ZFAND5: variants seen among roughly 807,000 people sequenced by gnomAD.
The protein encoded by ZFAND5 is zinc finger AN1-type containing 5.
Under a neutral mutation model 23.6 loss-of-function variants are expected in ZFAND5, and 4 were observed. That is an observed-to-expected ratio of 0.17 (90% CI 0.08 to 0.39). ZFAND5 has a LOEUF of 0.39. Ranked by LOEUF, ZFAND5 falls within the 10% of genes least tolerant of loss-of-function variation. The pLI is 1.00. For synonymous variants in ZFAND5, 68 were observed against 80.6 expected, an observed-to-expected ratio of 0.84 and a Z score of 0.84; for missense variants, 161 against 253.7, an observed-to-expected ratio of 0.63 and a Z score of 2.48.
chr9:72,355,729 C>A lies in ZFAND5; in HGVS notation c.*224G>T, dbSNP rs958834101. ...TTCACTTTGCTGTGCAGATTTTCAT[C>A]CAATTTTTTTCAGGGGAGGGCATAT... On this transcript the variant is annotated 3_prime_UTR_variant, in exon 7 of 7. Coordinates refer to ENST00000376962, the MANE Select transcript of ZFAND5 (RefSeq NM_001102420.3). 5.6e-6 allele frequency: 2 copies of A among 360,334 alleles called. No individual in the cohort carries two copies. Among genetic ancestry groups the A allele is most frequent in the Non-Finnish European group, 9.9e-6 (2 of 201,814 alleles). The allele number at this position is 360,334 out of a possible 1,614,324, so 22.3% of individuals were successfully genotyped here.
rs1214070257 is a variant in ZFAND5, at chr9:72,352,954, A to C, written c.*2999T>G. 1 of 152,258 alleles carries C rather than the reference A, an allele frequency of 6.6e-6. No homozygotes were observed. Among genetic ancestry groups the C allele is most frequent in the African/African-American group, 2.4e-5 (1 of 41,468 alleles). The allele number at this position is 152,258 out of a possible 1,614,324, so 9.4% of individuals were successfully genotyped here. A position where few individuals can be genotyped will look rare whatever the true frequency, so the allele number is the denominator to read the frequency against. On this transcript the variant is annotated 3_prime_UTR_variant, in exon 7 of 7. Coordinates refer to ENST00000376962, the MANE Select transcript of ZFAND5 (RefSeq NM_001102420.3). ...TCTTAATCACTATGCCATAATGCTC[A>C]GAAACAGCTTTCCCTCACAAACTAA...
chr9:72,354,104 A>T lies in ZFAND5; in HGVS notation c.*1849T>A, dbSNP rs1841864123. The stretch of plus-strand genomic sequence containing the variant: ...GTATTAGAGCCAAACCCAAAACAGA[A>T]ATAAAACAGAACTCTTTTTGTAAAC... On this transcript the variant is annotated 3_prime_UTR_variant, in exon 7 of 7. Coordinates refer to ENST00000376962, the MANE Select transcript of ZFAND5 (RefSeq NM_001102420.3). The T allele has an allele frequency of 6.6e-6, 1 of 152,178 alleles. No individual in the cohort carries two copies. The highest frequency in any genetic ancestry group is 2.4e-5 in the African/African-American group (1 of 41,442). The allele number at this position is 152,178 out of a possible 1,614,324, so 9.4% of individuals were successfully genotyped here.
chr9:72,360,977 C>CA (rs71357559), intron 2 of ZFAND5, among the ~76,000 whole-genome samples, 190 bp from the exon 3 acceptor site: 2,291 of 149,702 alleles, frequency 0.015, 53 homozygotes, highest in African/African-American at 0.052. Context: ...GTTTTAGGAC[C>CA]AAAAAAAAAC....
In ZFAND5 at chr9:72,363,612, A is replaced by G; in HGVS notation, c.-146-6T>C. On this transcript the variant is annotated splice_polypyrimidine_tract_variant and splice_region_variant and intron_variant, in intron 1 of 6. Transcript: ENST00000376962. ...TAAAGGCTCCTTTTCAGGGCCTGGG[A>G]GATAGAAAACAGGAGACAACTACAA... 2 of 982,684 alleles carry G rather than the reference A, an allele frequency of 2.0e-6. No homozygotes were observed. Among genetic ancestry groups the G allele is most frequent in the Non-Finnish European group, 2.4e-6 (2 of 827,388 alleles). 60.9% of individuals were successfully genotyped at this position (982,684 alleles called of 1,614,324 possible).
At position 72,353,501 on chromosome 9, in the gene ZFAND5, CTG is replaced by C. The variant is rs1564293733; in HGVS notation, c.*2450_*2451del. 2.0e-5 allele frequency: 3 copies of C among 152,218 alleles called. No individual in the cohort carries two copies. The highest frequency in any genetic ancestry group is 6.5e-5 in the Admixed American group (1 of 15,276). 9.4% of individuals were successfully genotyped at this position (152,218 alleles called of 1,614,324 possible). A position where few individuals can be genotyped will look rare whatever the true frequency, so the allele number is the denominator to read the frequency against. Reference sequence around the variant, plus strand: ...GACCAGCCTGACCAACATGGAGAAACTGTCTCTATTAAAAATACAAAAATTAG... The same window carrying C: ...GACCAGCCTGACCAACATGGAGAAACTCTCTATTAAAAATACAAAAATTAG... On this transcript the variant is annotated 3_prime_UTR_variant, in exon 7 of 7. Transcript: ENST00000376962.
chr9:72,355,174 TAG>T lies in ZFAND5; in HGVS notation c.*777_*778del, dbSNP rs1358576562. ...AGCTGCTGTATGTGAAAACCAAACG[TAG>T]AGTTTAAATTTCTTCTTGTAAACAA... On this transcript the variant is annotated 3_prime_UTR_variant, in exon 7 of 7. Coordinates refer to ENST00000376962, the MANE Select transcript of ZFAND5 (RefSeq NM_001102420.3). 1 of 152,644 alleles carries T rather than the reference TAG, an allele frequency of 6.6e-6. No individual in the cohort carries two copies. Among genetic ancestry groups the T allele is most frequent in the African/African-American group, 2.4e-5 (1 of 41,464 alleles). 9.5% of individuals were successfully genotyped at this position (152,644 alleles called of 1,614,324 possible).
chr9:72,363,438 G>A (rs1842160906), intron 2 of ZFAND5, 32 bp downstream of exon 2: 1 of 156,960 alleles, frequency 6.4e-6, no homozygotes, highest in South Asian at 2.0e-4. Flanking sequence ...AGGTGCACAT[G>A]ATGTGATGAG....
chr9:72,364,601 T>A (rs1380738651), intron 1 of ZFAND5, 95 bp downstream of exon 1: 2 of 1,228,930 alleles, frequency 1.6e-6, no homozygotes, highest in East Asian at 7.8e-5. Flanking sequence ...CTGCTCCGGC[T>A]TCGCCATTGG....
At chr9:72,358,851 T>C (rs1842016186) in intron 5 of ZFAND5, among the ~76,000 whole-genome samples, 1 of 152,130 alleles carries the variant, frequency 6.6e-6, no homozygotes, top group South Asian at 2.1e-4. Flanking sequence ...TAGGGCCTAG[T>C]ACAGGTAATT....
rs2975099 is a variant in ZFAND5, at chr9:72,356,375, T to C, written c.494-274A>G. ...CCTTGCAAGGGCAATAGCGAAGTGT[T>C]TGGTAAGCCAAACCACGTGGAGAAA... is the stretch of plus-strand genomic sequence containing the variant. On this transcript the variant is annotated intron_variant, in intron 6 of 6. Coordinates refer to ENST00000376962, the MANE Select transcript of ZFAND5 (RefSeq NM_001102420.3). 0.4 allele frequency among the ~76,000 whole-genome samples: 60,104 copies of C among 152,090 alleles called. 13,811 individuals are homozygous for C. Among genetic ancestry groups the C allele is most frequent in the South Asian group, 0.57 (2,724 of 4,818 alleles).
chr9:72,362,796 G>A (rs1359271647), intron 2 of ZFAND5, among the ~76,000 whole-genome samples: 1 of 152,096 alleles, frequency 6.6e-6, no homozygotes, highest in East Asian at 1.9e-4. Context: ...TTTCTCAGAA[G>A]CTCAGATCAC....
At chr9:72,361,294 G>C (rs1316609516) in intron 2 of ZFAND5, among the ~76,000 whole-genome samples, 2 of 152,206 alleles carry the variant, frequency 1.3e-5, no homozygotes, top group Non-Finnish European at 2.9e-5. Flanking sequence ...TGCTGAGGCA[G>C]AGCATCTGTA....
At chr9:72,364,471 G>C (rs934057833) in intron 1 of ZFAND5, 1 of 1,279,770 alleles carries the variant, frequency 7.8e-7, no homozygotes, top group Non-Finnish European at 1.0e-6. Context: ...CCGTGCTGTG[G>C]AGCGAGCCAG....
At position 72,353,140 on chromosome 9, in the gene ZFAND5, A is replaced by G. The variant is rs909985959; in HGVS notation, c.*2813T>C. On this transcript the variant is annotated 3_prime_UTR_variant, in exon 7 of 7. Coordinates refer to ENST00000376962, the MANE Select transcript of ZFAND5 (RefSeq NM_001102420.3). ...AAAACTTCAGGTCATGGGGGTGTAA[A>G]TATTTGTCTGCTTATGTAAGGGAAA... The G allele has an allele frequency of 1.3e-5, 2 of 152,216 alleles. No homozygotes were observed. Among genetic ancestry groups the G allele is most frequent in the African/African-American group, 4.8e-5 (2 of 41,448 alleles). The allele number at this position is 152,216 out of a possible 1,614,324, so 9.4% of individuals were successfully genotyped here. A position where few individuals can be genotyped will look rare whatever the true frequency, so the allele number is the denominator to read the frequency against.
chr9:72,359,663 AT>A (rs1842042315), intron 4 of ZFAND5, 142 bp from the exon 5 acceptor site: 2 of 786,032 alleles, frequency 2.5e-6, no homozygotes, highest in Non-Finnish European at 3.8e-6. Context: ...TTAAAAAAAA[AT>A]TGGATGCCCA....
intron 1 of ZFAND5, 36 bp downstream of exon 1, chr9:72,364,660 G>T (rs989832415): frequency 2.6e-6 from 3 of 1,144,392 alleles, no homozygotes; most frequent in South Asian, 1.6e-5. Flanking sequence ...CGGCAACAAG[G>T]AGCCCGGCTC....
intron 1 of ZFAND5, 74 bp downstream of exon 1, chr9:72,364,622 C>G (rs1842210914): frequency 8.4e-7 from 1 of 1,194,816 alleles, no homozygotes; most frequent in Non-Finnish European, 1.1e-6. Context: ...CCCGCGGCGC[C>G]CCGGTCCCTT....
chr9:72,363,644 C>G, intron 1 of ZFAND5, 38 bp from the exon 2 acceptor site: 2 of 983,932 alleles, frequency 2.0e-6, no homozygotes, highest in Non-Finnish European at 2.4e-6. Flanking sequence ...ACAAAGAATC[C>G]TTAATTTTTT....
At chr9:72,364,237 C>G in intron 1 of ZFAND5, 1 of 345,724 alleles carries the variant, frequency 2.9e-6, no homozygotes. Context: ...GCCCGGCCAG[C>G]CCTTCGCCTG....
Sources: allele counts gnomAD v4.1 joint callset (sites outside exome capture counted in the v4.1 genomes callset), GRCh38; gene constraint gnomAD v4.1.1; transcripts MANE v1.5; gene names NCBI Gene and HGNC (gene_info 2026-07-23, HGNC 2026-07-21).